CTSO: variants seen among roughly 807,000 people sequenced by gnomAD.
CTSO encodes cathepsin O.
CTSO carries 40 observed loss-of-function variants against 42.4 expected under a neutral mutation model. That is an observed-to-expected ratio of 0.94 (90% CI 0.73 to 1.23). The LOEUF (loss-of-function observed/expected upper bound fraction) is 1.23, where lower values mean the gene tolerates loss of function less well. Ranked by LOEUF, CTSO falls within the 50% of genes most tolerant of loss-of-function variation. CTSO has a pLI of 0.00. For synonymous variants in CTSO, 156 were observed against 146.2 expected, an observed-to-expected ratio of 1.07 and a Z score of -0.48; for missense variants, 441 against 396.0, an observed-to-expected ratio of 1.11 and a Z score of -0.96.
intron 1 of CTSO, 24 bp downstream of exon 1, chr4:155,953,689 C>T (rs1301095855): frequency 1.6e-6 from 2 of 1,258,142 alleles, no homozygotes; most frequent in Non-Finnish European, 2.0e-6. Context: ...AGGGACAGAT[C>T]CCGGGGAGGC....
At chr4:155,932,301 G>A (rs1743250530) in intron 5 of CTSO, among the ~76,000 whole-genome samples, 1 of 152,142 alleles carries the variant, frequency 6.6e-6, no homozygotes, top group Non-Finnish European at 1.5e-5. Flanking sequence ...AGTGTTGGGA[G>A]TAAAAGCACA....
At chr4:155,930,743 A>G (rs1311340280) in intron 5 of CTSO, among the ~76,000 whole-genome samples, 1 of 152,168 alleles carries the variant, frequency 6.6e-6, no homozygotes, top group Non-Finnish European at 1.5e-5. Flanking sequence ...AGAGGAGCAA[A>G]AAGTTGACTG....
intron 5 of CTSO, among the ~76,000 whole-genome samples, chr4:155,935,262 G>C (rs1579341954): frequency 6.6e-6 from 1 of 152,130 alleles, no homozygotes; most frequent in East Asian, 1.9e-4. Flanking sequence ...GGAACTGTAA[G>C]TCCAATTAAA....
intron 7 of CTSO, 27 bp downstream of exon 7, chr4:155,928,309 G>T: frequency 6.7e-7 from 1 of 1,484,220 alleles, no homozygotes; most frequent in Non-Finnish European, 9.4e-7. Flanking sequence ...TTTATATTGA[G>T]GTTTTAAACA....
chr4:155,937,320 T>TA, intron 5 of CTSO, 42 bp downstream of exon 5: 2 of 1,503,436 alleles, frequency 1.3e-6, no homozygotes, highest in South Asian at 2.3e-5. Context: ...GATCATAAAT[T>TA]AAAAATGTAT....
Position 155,942,385 on chromosome 4 carries a change from C to T in CTSO, c.316G>A (p.Val106Met), listed in dbSNP as rs1743455868. 1 of 1,603,332 alleles carries T rather than the reference C, an allele frequency of 6.2e-7. No homozygotes were observed. Among genetic ancestry groups the T allele is most frequent in the Non-Finnish European group, 8.5e-7 (1 of 1,175,564 alleles). Reference sequence around the variant, plus strand: ...CAGTCAAATCTTAACGGCAAAGACACATTGGGGATGGACATATGTACTTCT... The same window carrying T: ...CAGTCAAATCTTAACGGCAAAGACATATTGGGGATGGACATATGTACTTCT... The part of the protein sequence containing the change: ...SAEVHMSIPN[V>M]SLPLRFDWRD... Residue 106 changes from valine (V) to methionine (M), a missense_variant, in exon 3 of 8, where the codon GTG becomes ATG. Val to Met is a conservative substitution (Grantham distance 21). Transcript: ENST00000433477.
chr4:155,927,342 T>C lies in CTSO; in HGVS notation c.931+994A>G, dbSNP rs1179878978. Among the ~76,000 whole-genome samples the C allele has an allele frequency of 8.5e-5, 13 of 152,356 alleles. No individual in the cohort carries two copies. In the East Asian group the frequency reaches 2.5e-3, roughly 29 times the overall value. Reference sequence around the variant, plus strand: ...TGATTGCTCTAATATGTAACTTAGTTTGGGTCTAGCTTGATTCAGAAAATA... The same window carrying C: ...TGATTGCTCTAATATGTAACTTAGTCTGGGTCTAGCTTGATTCAGAAAATA... On this transcript the variant is annotated intron_variant, in intron 7 of 7. Coordinates refer to ENST00000433477, the MANE Select transcript of CTSO (RefSeq NM_001334.3).
rs72681598 is a variant in CTSO at position 155,948,767 on chromosome 4, G to C, written c.135+4946C>G. ...TCTTGGCCCTCTTACCTTTCCAGCT[G>C]TGGGTAACCACAGTCTTAGATAATG... On this transcript the variant is annotated intron_variant, in intron 1 of 7. Coordinates refer to ENST00000433477, the MANE Select transcript of CTSO (RefSeq NM_001334.3). 6.7e-3 allele frequency among the ~76,000 whole-genome samples: 1,026 copies of C among 152,286 alleles called. 3 individuals are homozygous for C. The highest frequency in any genetic ancestry group is 0.011 in the Non-Finnish European group (724 of 68,026).
In CTSO at chr4:155,939,381, C is replaced by A. The variant is rs987221088; in HGVS notation, c.542G>T (p.Trp181Leu). The change falls in exon 4 of 8, where the codon TGG becomes TTG. Residue 181 changes from tryptophan to leucine, a missense_variant. By Grantham distance (61) the Trp-to-Leu change is moderately conservative. Coordinates refer to ENST00000433477, the MANE Select transcript of CTSO (RefSeq NM_001334.3). ...TGAGAGACTAGTCACCTTGTTTAAC[C>A]AGTTCAAAGCATTGAGAGTAGAGCC... ...NGGSTLNALN[W>L]LNKMQVKLVK... 12 of 1,606,878 alleles carry A rather than the reference C, an allele frequency of 7.5e-6. No individual in the cohort carries two copies. The African/African-American group carries it at 1.1e-4, about 14-fold the overall frequency.
In CTSO at chr4:155,925,915, C is replaced by A. The variant is rs903928184; in HGVS notation, c.*121G>T. On this transcript the variant is annotated 3_prime_UTR_variant, in exon 8 of 8. Coordinates refer to ENST00000433477, the MANE Select transcript of CTSO (RefSeq NM_001334.3). ...GAAACTTAGTTTAAATACTACTAGGCCTTAGAATCTTTTGTAGGTAGTTGC... is the reference window on the plus strand; with the variant it reads ...GAAACTTAGTTTAAATACTACTAGGACTTAGAATCTTTTGTAGGTAGTTGC... 28 of 828,694 alleles carry A rather than the reference C, an allele frequency of 3.4e-5. No homozygotes were observed. The highest frequency in any genetic ancestry group is 5.1e-5 in the Non-Finnish European group (26 of 511,638). 51.3% of individuals were successfully genotyped at this position (828,694 alleles called of 1,614,324 possible). A position where few individuals can be genotyped will look rare whatever the true frequency, so the allele number is the denominator to read the frequency against.
At position 155,942,365 on chromosome 4, in the gene CTSO, A is replaced by C; in HGVS notation, c.336T>G (p.Phe112Leu). 1 of 1,599,480 alleles carries C rather than the reference A, an allele frequency of 6.3e-7. No individual in the cohort carries two copies. Among genetic ancestry groups the C allele is most frequent in the Non-Finnish European group, 8.5e-7 (1 of 1,173,930 alleles). ...SIPNVSLPLR[F>L]DWRDKQVVTQ... ...TCACAACCTGCTTGTCCCTCCAGTC[A>C]AATCTTAACGGCAAAGACACATTGG... Residue 112 changes from phenylalanine (F) to leucine (L), a missense_variant, in exon 3 of 8, where the codon TTT becomes TTG. Phe to Leu is a conservative substitution (Grantham distance 22, BLOSUM62 0). Transcript: ENST00000433477.
At chr4:155,928,479 G>T in intron 6 of CTSO, 51 bp from the exon 7 acceptor site, 1 of 1,272,804 alleles carries the variant, frequency 7.9e-7, no homozygotes, top group Non-Finnish European at 1.1e-6. Context: ...AATTTGTTAT[G>T]AATGTTTAAG....
intron 1 of CTSO, among the ~76,000 whole-genome samples, chr4:155,951,873 T>G (rs1201075586): frequency 6.6e-6 from 1 of 152,150 alleles, no homozygotes; most frequent in Admixed American, 6.5e-5. Context: ...ATGAAAGACT[T>G]TCATCCCAAA....
At chr4:155,926,577 A>G (rs1040551420) in intron 7 of CTSO, among the ~76,000 whole-genome samples, 5 of 152,216 alleles carry the variant, frequency 3.3e-5, no homozygotes, top group Non-Finnish European at 7.3e-5. Flanking sequence ...TTTTATTATA[A>G]CTAACCGTAT....
At chr4:155,937,099 A>G (rs2110918171) in intron 5 of CTSO, among the ~76,000 whole-genome samples, 1 of 152,154 alleles carries the variant, frequency 6.6e-6, no homozygotes, top group Non-Finnish European at 1.5e-5. Context: ...ATAAAATATA[A>G]CAAATAAATA....
Position 155,924,423 on chromosome 4 carries a change from G to C in CTSO, c.*1613C>G, listed in dbSNP as rs1032113997. On this transcript the variant is annotated 3_prime_UTR_variant, in exon 8 of 8. Transcript: ENST00000433477. The stretch of plus-strand genomic sequence containing the variant: ...TCTTTTCGGATTGGTTCTGACTGGC[G>C]TAAGAAGAGAAATACAGCATTTTGT... 6.6e-6 allele frequency: 1 copy of C among 152,064 alleles called. No homozygotes were observed. The highest frequency in any genetic ancestry group is 1.5e-5 in the Non-Finnish European group (1 of 68,004). 9.4% of individuals were successfully genotyped at this position (152,064 alleles called of 1,614,324 possible). A position where few individuals can be genotyped will look rare whatever the true frequency, so the allele number is the denominator to read the frequency against.
At chr4:155,939,638 AT>A in intron 3 of CTSO, 100 bp from the exon 4 acceptor site, 1 of 1,110,686 alleles carries the variant, frequency 9.0e-7, no homozygotes, top group Non-Finnish European at 1.3e-6. Flanking sequence ...AGGCTTCCAG[AT>A]TCTGGAAACC....
chr4:155,938,582 A>C (rs1743372106), intron 4 of CTSO, among the ~76,000 whole-genome samples: 4 of 152,100 alleles, frequency 2.6e-5, no homozygotes, highest in African/African-American at 9.7e-5. Flanking sequence ...CGGCTCAGCT[A>C]CTGACTTGAC....
At chr4:155,937,808 G>T (rs1455543488) in intron 4 of CTSO, among the ~76,000 whole-genome samples, 1 of 151,994 alleles carries the variant, frequency 6.6e-6, no homozygotes, top group South Asian at 2.1e-4. Context: ...TAAAGATGGG[G>T]TCTCACTCTG....
Sources: gnomAD v4.1 joint callset for allele counts (sites outside exome capture counted in the v4.1 genomes callset) on GRCh38, gnomAD v4.1.1 for gene constraint, MANE v1.5 for transcripts, NCBI Gene and HGNC (gene_info 2026-07-23, HGNC 2026-07-21) for gene names.